Variants in BMAL2 observed in about 807,000 individuals in gnomAD.
BMAL2 encodes the protein basic helix-loop-helix ARNT like 2, also known as basic helix-loop-helix ARNT-like protein 2.
At chr12:27,351,030 C>T in the BMAL2 span, among the ~76,000 whole-genome samples, 1 of 122,584 alleles carries the variant, frequency 8.2e-6, no homozygotes, top group Non-Finnish European at 1.6e-5. Flanking sequence ...GCTCTGTCAT[C>T]CAGGCTGCAG....
chr12:27,380,476 G>T, the BMAL2 span: 13 of 1,532,272 alleles, frequency 8.5e-6, no homozygotes, highest in Admixed American at 2.3e-4. Context: ...TGATTGGTTC[G>T]CTTTGCTGTC....
chr12:27,347,005 C>T, the BMAL2 span, among the ~76,000 whole-genome samples: 1 of 152,198 alleles, frequency 6.6e-6, no homozygotes, highest in Non-Finnish European at 1.5e-5. Context: ...CACTCTGGCT[C>T]CCCTTTACCT....
the BMAL2 span, among the ~76,000 whole-genome samples, chr12:27,350,994 C>CCCCTTTT: frequency 7.4e-5 from 7 of 94,282 alleles, no homozygotes; most frequent in African/African-American, 2.2e-4. Context: ...CCCACCCCCC[C>CCCCTTTT]TTTTTTTTTT....
the BMAL2 span, chr12:27,420,315 C>A: frequency 1.3e-6 from 2 of 1,554,440 alleles, no homozygotes; most frequent in South Asian, 1.2e-5. Context: ...TTATCACAAT[C>A]ATTTTTTAAC....
At chr12:27,385,393 T>TA in the BMAL2 span, 24 of 731,358 alleles carry the variant, frequency 3.3e-5, no homozygotes, top group Non-Finnish European at 5.7e-5. Context: ...AAAGAGCAAA[T>TA]ACCAGCAGCA....
chr12:27,384,578 G>A, the BMAL2 span, among the ~76,000 whole-genome samples: 1 of 152,058 alleles, frequency 6.6e-6, no homozygotes, highest in Non-Finnish European at 1.5e-5. Flanking sequence ...TTATCCATAG[G>A]GGCATACATT....
At chr12:27,340,030 T>G in the BMAL2 span, among the ~76,000 whole-genome samples, 3 of 152,332 alleles carry the variant, frequency 2.0e-5, no homozygotes, top group East Asian at 5.8e-4. Flanking sequence ...CAAAAAGTTT[T>G]CTGCCATTCT....
the BMAL2 span, among the ~76,000 whole-genome samples, chr12:27,415,238 A>G: frequency 6.6e-6 from 1 of 152,214 alleles, no homozygotes; most frequent in Admixed American, 6.5e-5. Flanking sequence ...CAACATACAC[A>G]TACACACAGG....
At chr12:27,360,822 A>AAAAAAAAAAAAAAAAAAC in the BMAL2 span, among the ~76,000 whole-genome samples, 1 of 150,012 alleles carries the variant, frequency 6.7e-6, no homozygotes, top group Non-Finnish European at 1.5e-5. Flanking sequence ...AAAAAAAAAA[A>AAAAAAAAAAAAAAAAAAC]AAACAGTACT....
At chr12:27,392,703 A>G in the BMAL2 span, among the ~76,000 whole-genome samples, 3 of 151,684 alleles carry the variant, frequency 2.0e-5, no homozygotes, top group Admixed American at 2.0e-4. Context: ...AGCCAATAAA[A>G]CAGCCTTAAG....
At chr12:27,388,398 C>T in the BMAL2 span, among the ~76,000 whole-genome samples, 2 of 152,198 alleles carry the variant, frequency 1.3e-5, no homozygotes, top group South Asian at 2.1e-4. Flanking sequence ...CTGCTTATAT[C>T]GGCTGGTCCG....
the BMAL2 span, among the ~76,000 whole-genome samples, chr12:27,371,459 C>G: frequency 6.6e-6 from 1 of 152,138 alleles, no homozygotes; most frequent in African/African-American, 2.4e-5. Flanking sequence ...TATGTAGTTG[C>G]ATACTCCTGA....
chr12:27,400,487 C>T, the BMAL2 span: 3 of 1,437,790 alleles, frequency 2.1e-6, no homozygotes, highest in South Asian at 4.6e-5. Context: ...AATTTAATGA[C>T]TTATTTATAA....
the BMAL2 span, chr12:27,390,245 A>G: frequency 6.2e-7 from 1 of 1,613,078 alleles, no homozygotes; most frequent in Non-Finnish European, 8.5e-7. Flanking sequence ...GAAAGGTATC[A>G]TTTTGAAATG....
the BMAL2 span, chr12:27,401,713 C>A: frequency 7.0e-7 from 1 of 1,418,684 alleles, no homozygotes; most frequent in Non-Finnish European, 9.6e-7. Context: ...ATATTGATTT[C>A]AAATGAGTCT....
At chr12:27,403,139 T>G in the BMAL2 span, among the ~76,000 whole-genome samples, 1 of 152,216 alleles carries the variant, frequency 6.6e-6, no homozygotes, top group Non-Finnish European at 1.5e-5. Context: ...AGGAATATAT[T>G]AATGTATTAT....
At chr12:27,354,041 A>G in the BMAL2 span, among the ~76,000 whole-genome samples, 1 of 152,226 alleles carries the variant, frequency 6.6e-6, no homozygotes, top group South Asian at 2.1e-4. Flanking sequence ...CAGAACTACC[A>G]TCTGACCTAG....
chr12:27,360,845 G>A, the BMAL2 span, among the ~76,000 whole-genome samples: 1 of 113,252 alleles, frequency 8.8e-6, no homozygotes, highest in African/African-American at 2.9e-5. Flanking sequence ...CAAGGTAGTG[G>A]TTAGATGGGA....
At chr12:27,359,264 A>G in the BMAL2 span, among the ~76,000 whole-genome samples, 2 of 152,238 alleles carry the variant, frequency 1.3e-5, no homozygotes, top group Admixed American at 6.5e-5. Context: ...TGTTGCAAGA[A>G]CAATGAAACA....
Sources: allele counts gnomAD v4.1 joint callset (sites outside exome capture counted in the v4.1 genomes callset), GRCh38; gene constraint gnomAD v4.1.1; transcripts MANE v1.5; gene names NCBI Gene and HGNC (gene_info 2026-07-23, HGNC 2026-07-21).